The following SPTLC3 variants were observed in gnomAD, a reference collection of about 807,000 sequenced individuals.
SPTLC3 encodes the protein serine palmitoyltransferase long chain base subunit 3, also known as serine palmitoyltransferase 3.
In SPTLC3, 36 loss-of-function variants were observed where a neutral mutation model predicts 59.3. The observed-to-expected ratio is 0.61, with a 90% confidence interval of 0.47 to 0.80. The LOEUF (loss-of-function observed/expected upper bound fraction) is 0.80. Ranked by LOEUF, SPTLC3 falls within the 30% of genes least tolerant of loss-of-function variation. The probability of loss-of-function intolerance (pLI) is 0.00; values close to 1 mark genes in which losing one functional copy is unlikely to be tolerated. For missense variants in SPTLC3, 625 were observed against 685.1 expected (o/e 0.91, Z 0.98); for synonymous variants, 257 against 240.8 (o/e 1.07, Z -0.62).
At chr20:13,140,350 T>C (rs2038351862) in intron 9 of SPTLC3, among the ~76,000 whole-genome samples, 2 of 152,182 alleles carry the variant, frequency 1.3e-5, no homozygotes, top group South Asian at 2.1e-4. Flanking sequence ...TTTGGGACCA[T>C]AGACGAAAAG....
At chr20:13,133,213 G>A (rs180843797) in intron 9 of SPTLC3, among the ~76,000 whole-genome samples, 90 of 151,832 alleles carry the variant, frequency 5.9e-4, no homozygotes, top group Middle Eastern at 3.4e-3. Context: ...TATAGTTCCC[G>A]CTGCACAAGT....
chr20:13,090,788 CT>C (rs962867198), intron 4 of SPTLC3, among the ~76,000 whole-genome samples: 57 of 152,250 alleles, frequency 3.7e-4, no homozygotes, highest in African/African-American at 1.2e-3. Flanking sequence ...AGATGTCTGA[CT>C]TTTTTCACTC....
intron 1 of SPTLC3, among the ~76,000 whole-genome samples, chr20:13,030,510 G>A (rs1214703090): frequency 3.9e-5 from 6 of 152,122 alleles, no homozygotes; most frequent in South Asian, 4.1e-4. Context: ...GTAGCTTCCC[G>A]TGTTAAGATC....
chr20:13,079,670 A>C (rs899728998), intron 4 of SPTLC3: 5 of 431,868 alleles, frequency 1.2e-5, no homozygotes, highest in African/African-American at 1.0e-4. Context: ...GATGTGCGCA[A>C]TGCTTCTTTT....
intron 4 of SPTLC3, among the ~76,000 whole-genome samples, chr20:13,087,913 A>G (rs780073509): frequency 6.6e-5 from 10 of 152,244 alleles, no homozygotes; most frequent in African/African-American, 9.6e-5. Flanking sequence ...AGAAAAGATG[A>G]AGGGCAAAAA....
chr20:13,021,960 G>A (rs534285556), intron 1 of SPTLC3, among the ~76,000 whole-genome samples: 1 of 152,182 alleles, frequency 6.6e-6, no homozygotes, highest in African/African-American at 2.4e-5. Flanking sequence ...GATGTATAGA[G>A]ATATGTAAAT....
At chr20:13,086,488 A>G (rs17263047) in intron 4 of SPTLC3, among the ~76,000 whole-genome samples, 41,850 of 152,128 alleles carry the variant, frequency 0.28, 5,916 homozygotes, top group Middle Eastern at 0.35. Flanking sequence ...GTTTGTTAAT[A>G]AAATCTGAGC....
rs111664233 is a variant in SPTLC3 at position 13,032,527 on chromosome 20, G to A, written c.118-16418G>A. Among the ~76,000 whole-genome samples the A allele has an allele frequency of 1.4e-3, 219 of 152,254 alleles. 1 individual carries two copies. The highest frequency in any genetic ancestry group is 4.6e-3 in the African/African-American group (193 of 41,556). Reference sequence around the variant, plus strand: ...CCAAGTATATACCATTCAAGGCCCAGCCAGAGGCCCATGCAAGGCCATGTT... The same window carrying A: ...CCAAGTATATACCATTCAAGGCCCAACCAGAGGCCCATGCAAGGCCATGTT... On this transcript the variant is annotated intron_variant, in intron 1 of 11. Coordinates refer to ENST00000399002, the MANE Select transcript of SPTLC3 (RefSeq NM_018327.4).
chr20:13,079,306 C>T (rs17190831), intron 4 of SPTLC3, among the ~76,000 whole-genome samples: 41,809 of 151,892 alleles, frequency 0.28, 5,910 homozygotes, highest in Middle Eastern at 0.36. Context: ...CATTTGTATA[C>T]GATAAGAAGA....
intron 4 of SPTLC3, among the ~76,000 whole-genome samples, chr20:13,087,729 C>T (rs1343340575): frequency 1.3e-5 from 2 of 152,184 alleles, no homozygotes; most frequent in Non-Finnish European, 1.5e-5. Context: ...GAAGTCATGG[C>T]ATCTCACACA....
intron 1 of SPTLC3, among the ~76,000 whole-genome samples, chr20:13,028,798 T>C (rs1472283815): frequency 1.3e-5 from 2 of 152,202 alleles, no homozygotes; most frequent in Admixed American, 6.6e-5. Context: ...GAATTATTTA[T>C]GCTTTGTTCT....
In SPTLC3 at chr20:13,165,278, T is replaced by C. The variant is rs1240913891; in HGVS notation, c.*411T>C. ...TATTCCATCTGCAGATGTAAGTGAG[T>C]GTGGTGGACAGTAGCCACCTTCCTT... is the stretch of plus-strand genomic sequence containing the variant. On this transcript the variant is annotated 3_prime_UTR_variant, in exon 12 of 12. Transcript: ENST00000399002. 1 of 162,540 alleles carries C rather than the reference T, an allele frequency of 6.2e-6. No homozygotes were observed. The highest frequency in any genetic ancestry group is 2.4e-5 in the African/African-American group (1 of 41,600). The allele number at this position is 162,540 out of a possible 1,614,324, so 10.1% of individuals were successfully genotyped here. A position where few individuals can be genotyped will look rare whatever the true frequency, so the allele number is the denominator to read the frequency against.
chr20:13,014,100 T>A (rs1172973805), intron 1 of SPTLC3, among the ~76,000 whole-genome samples: 2 of 152,224 alleles, frequency 1.3e-5, no homozygotes, highest in Non-Finnish European at 2.9e-5. Flanking sequence ...AGACCTCTTT[T>A]ATGTCCTAGG....
intron 4 of SPTLC3, chr20:13,079,852 C>T (rs1351236664): frequency 6.7e-6 from 3 of 446,830 alleles, no homozygotes; most frequent in Admixed American, 5.0e-5. Flanking sequence ...TGGGCAGGCA[C>T]TCTTCCCTGT....
At chr20:13,163,614 A>T (rs1476405532) in intron 11 of SPTLC3, among the ~76,000 whole-genome samples, 1 of 152,136 alleles carries the variant, frequency 6.6e-6, no homozygotes, top group African/African-American at 2.4e-5. Flanking sequence ...AGGGAAGAAC[A>T]TTTTAAATAC....
intron 7 of SPTLC3, 57 bp downstream of exon 7, chr20:13,110,274 T>G: frequency 6.9e-7 from 1 of 1,444,218 alleles, no homozygotes; most frequent in Non-Finnish European, 9.6e-7. Flanking sequence ...AGCTGACCAG[T>G]GCGGAAAGGC....
At chr20:13,040,216 T>C (rs1986918206) in intron 1 of SPTLC3, among the ~76,000 whole-genome samples, 1 of 152,170 alleles carries the variant, frequency 6.6e-6, no homozygotes, top group Non-Finnish European at 1.5e-5. Context: ...TTCAATATAG[T>C]TTTGCTCACA....
At chr20:13,124,571 G>A (rs550399774) in intron 8 of SPTLC3, among the ~76,000 whole-genome samples, 6 of 152,238 alleles carry the variant, frequency 3.9e-5, no homozygotes, top group African/African-American at 1.2e-4. Context: ...AGAAGGACGG[G>A]TGAAAGGGGG....
At chr20:13,075,806 C>G (rs1254324688) in intron 4 of SPTLC3, among the ~76,000 whole-genome samples, 5 of 152,100 alleles carry the variant, frequency 3.3e-5, no homozygotes, top group African/African-American at 1.2e-4. Context: ...TAATGACCAG[C>G]CAGAAGACAC....
Sources: allele counts gnomAD v4.1 joint callset (sites outside exome capture counted in the v4.1 genomes callset), GRCh38; gene constraint gnomAD v4.1.1; transcripts MANE v1.5; gene names NCBI Gene and HGNC (gene_info 2026-07-23, HGNC 2026-07-21).